USP39: variants seen among roughly 807,000 people sequenced by gnomAD.
USP39 encodes the protein ubiquitin carboxyl-terminal hydrolase 39.
Under a neutral mutation model 66.4 loss-of-function variants are expected in USP39, and 38 were observed. That is an observed-to-expected ratio of 0.57 (90% CI 0.44 to 0.75). USP39 has a LOEUF of 0.75. USP39 is among the 30% of genes least tolerant of loss of function. The pLI is 0.00. For missense variants in USP39, 608 were observed against 714.4 expected (o/e 0.85, Z 1.70); for synonymous variants, 303 against 274.6 (o/e 1.10, Z -1.02).
At chr2:85,622,066 T>A (rs1470511175) in intron 3 of USP39, among the ~76,000 whole-genome samples, 6 of 152,008 alleles carry the variant, frequency 3.9e-5, no homozygotes. Flanking sequence ...GTGATCCACC[T>A]GTCTTGGCCT....
chr2:85,609,362 G>A (rs1312661674), upstream of USP39: 1 of 1,557,262 alleles, frequency 6.4e-7, no homozygotes, highest in African/African-American at 1.4e-5. Context: ...GAGGAAAACA[G>A]GGCTCAGGGT....
chr2:85,611,644 G>A (rs1425745063), upstream of USP39: 5 of 1,566,100 alleles, frequency 3.2e-6, no homozygotes, highest in Non-Finnish European at 4.3e-6. Context: ...GCGGGCTGGA[G>A]GCAGGCGGGG....
intron 6 of USP39, among the ~76,000 whole-genome samples, chr2:85,631,807 G>A: frequency 6.6e-6 from 1 of 152,032 alleles, no homozygotes; most frequent in Non-Finnish European, 1.5e-5. Context: ...GGAGTGCAGT[G>A]GTGTGATCTC....
intron 4 of USP39, among the ~76,000 whole-genome samples, chr2:85,624,107 T>C (rs1025054577): frequency 2.6e-5 from 4 of 152,174 alleles, no homozygotes; most frequent in African/African-American, 9.7e-5. Flanking sequence ...TTGGTCCTGG[T>C]GTAGGACAGT....
intron 2 of USP39, among the ~76,000 whole-genome samples, chr2:85,620,858 G>A (rs1674408053): frequency 6.6e-6 from 1 of 151,196 alleles, no homozygotes. Flanking sequence ...TGTGGATTCA[G>A]TGGAGATAAG....
At chr2:85,633,654 C>T (rs1479241728) in intron 6 of USP39, among the ~76,000 whole-genome samples, 1 of 151,912 alleles carries the variant, frequency 6.6e-6, no homozygotes, top group African/African-American at 2.4e-5. Flanking sequence ...TGTAGTCCAG[C>T]TACTTGAGAG....
At chr2:85,629,499 CTT>C (rs768604575) in intron 5 of USP39, among the ~76,000 whole-genome samples, 7 of 138,142 alleles carry the variant, frequency 5.1e-5, no homozygotes, top group East Asian at 2.2e-4. Context: ...TTCTCTTTCT[CTT>C]TTTTTTTTTT....
intron 4 of USP39, among the ~76,000 whole-genome samples, chr2:85,624,782 G>T (rs1425584199): frequency 6.6e-6 from 1 of 152,000 alleles, no homozygotes; most frequent in Non-Finnish European, 1.5e-5. Flanking sequence ...TGACCAACAT[G>T]ATGAGACCCC....
At chr2:85,617,958 C>CTTT (rs34086230) in intron 1 of USP39, among the ~76,000 whole-genome samples, 2 of 144,448 alleles carry the variant, frequency 1.4e-5, no homozygotes, top group Non-Finnish European at 3.0e-5. Context: ...CATGTACATT[C>CTTT]TTTTTTTTTT....
At chr2:85,620,183 T>G in intron 2 of USP39, among the ~76,000 whole-genome samples, 1 of 148,576 alleles carries the variant, frequency 6.7e-6, no homozygotes, top group African/African-American at 2.5e-5. Context: ...TTAAAAAAAC[T>G]TAAAAAAAAA....
chr2:85,607,725 C>G (rs1673268965), upstream of USP39: 2 of 152,202 alleles, frequency 1.3e-5, no homozygotes, highest in South Asian at 4.1e-4. Flanking sequence ...CAGGAAATCT[C>G]AGTTCTCAAA....
intron 10 of USP39, among the ~76,000 whole-genome samples, 189 bp from the exon 11 acceptor site, chr2:85,644,759 A>T (rs1676513814): frequency 6.6e-6 from 1 of 151,662 alleles, no homozygotes; most frequent in African/African-American, 2.4e-5. Context: ...GAAGCTGTGT[A>T]ACCCTGTCAT....
intron 3 of USP39, among the ~76,000 whole-genome samples, chr2:85,623,353 A>G (rs922422769): frequency 6.5e-4 from 97 of 149,226 alleles, no homozygotes; most frequent in Non-Finnish European, 8.4e-4. Context: ...TATTATATAT[A>G]GATATATATA....
At chr2:85,619,478 C>T (rs1046365187) in intron 2 of USP39, among the ~76,000 whole-genome samples, 189 bp downstream of exon 2, 9 of 151,152 alleles carry the variant, frequency 6.0e-5, no homozygotes, top group African/African-American at 2.2e-4. Flanking sequence ...TGTTAAAGAG[C>T]TTATTTTGCA....
At chr2:85,639,630 A>T in intron 9 of USP39, 1 of 358,062 alleles carries the variant, frequency 2.8e-6, no homozygotes, top group Non-Finnish European at 5.1e-6. Flanking sequence ...AATTTTTTAT[A>T]TTTTTAGTAG....
In USP39 at chr2:85,648,697, A is replaced by G. The variant is rs1676829165; in HGVS notation, c.1651-64A>G. 26 of 1,569,762 alleles carry G rather than the reference A, an allele frequency of 1.7e-5. No homozygotes were observed. The South Asian group carries it at 2.9e-4, about 17-fold the overall frequency. On this transcript the variant is annotated intron_variant, in intron 12 of 12. Transcript: ENST00000323701. ...GTCCATGGCCTGGCACAGAATAGGT[A>G]TTTGATAAGTGTCTGTTGACTGAAT...
intron 4 of USP39, 58 bp from the exon 5 acceptor site, chr2:85,625,481 C>A: frequency 1.2e-6 from 2 of 1,602,094 alleles, no homozygotes; most frequent in Non-Finnish European, 1.7e-6. Flanking sequence ...ATTACTGTTA[C>A]AGACATTTCT....
rs57173306 is a variant in USP39 at position 85,631,313 on chromosome 2, C to CTTTTT, written c.949+383_949+387dup. Among the ~76,000 whole-genome samples, 18 of 126,270 alleles carry CTTTTT rather than the reference C, an allele frequency of 1.4e-4. 1 individual carries two copies. Among genetic ancestry groups the CTTTTT allele is most frequent in the East Asian group, 4.7e-4 (2 of 4,222 alleles). 82.8% of individuals were successfully genotyped at this position (126,270 alleles called of 152,430 possible). A position where few individuals can be genotyped will look rare whatever the true frequency, so the allele number is the denominator to read the frequency against. ...ACAGGCATGAGCCACTGCGCCCGGC[C>CTTTTT]TTTTTTTTTTTTTTTTTTTTAAGAG... On this transcript the variant is annotated intron_variant, in intron 6 of 12. Transcript: ENST00000323701.
intron 1 of USP39, among the ~76,000 whole-genome samples, chr2:85,617,588 C>T (rs922219107): frequency 6.6e-6 from 1 of 152,132 alleles, no homozygotes; most frequent in African/African-American, 2.4e-5. Flanking sequence ...GTAATCGCAG[C>T]TACTCTATAG....
Sources: gnomAD v4.1 joint callset for allele counts (sites outside exome capture counted in the v4.1 genomes callset) on GRCh38, gnomAD v4.1.1 for gene constraint, MANE v1.5 for transcripts, NCBI Gene and HGNC (gene_info 2026-07-23, HGNC 2026-07-21) for gene names.